The following LTBP1 variants were observed in gnomAD, a reference collection of about 807,000 sequenced individuals.
The protein encoded by LTBP1 is latent-transforming growth factor beta-binding protein 1.
Under a neutral mutation model 207.6 loss-of-function variants are expected in LTBP1, and 129 were observed. The observed-to-expected ratio is 0.62, with a 90% CI of 0.54 to 0.72. LTBP1 has a LOEUF of 0.72. Ranked by LOEUF, LTBP1 falls within the 30% of genes least tolerant of loss-of-function variation. The probability of loss-of-function intolerance (pLI) is 0.00; values close to 1 mark genes in which losing one functional copy is unlikely to be tolerated. For synonymous variants in LTBP1, 963 were observed against 833.7 expected, an observed-to-expected ratio of 1.16 and a Z score of -2.67; for missense variants, 2,281 against 2,217.2, an observed-to-expected ratio of 1.03 and a Z score of -0.58.
At chr2:33,341,728 A>AT (rs199591274) in intron 24 of LTBP1, among the ~76,000 whole-genome samples, 1,872 of 125,942 alleles carry the variant, frequency 0.015, 11 homozygotes, top group South Asian at 0.041. Context: ...AAAAAAAAAA[A>AT]AATATATATA....
Position 33,110,707 on chromosome 2 carries a change from T to C in LTBP1, c.989T>C (p.Phe330Ser). 1.2e-6 allele frequency: 2 copies of C among 1,614,182 alleles called. No homozygotes were observed. Among genetic ancestry groups the C allele is most frequent in the Non-Finnish European group, 1.7e-6 (2 of 1,180,028 alleles). Residue 330 changes from phenylalanine to serine, a missense_variant, in exon 4 of 34, where the codon TTC becomes TCC. Transcript: ENST00000404816. ...ISGEQSTEGS[F>S]PLRYVQDQVA... ...GGAGAGCAGTCCACTGAAGGTTCTTTCCCTTTAAGATATGTGCAGGATCAA... is the reference window on the plus strand; with the variant it reads ...GGAGAGCAGTCCACTGAAGGTTCTTCCCCTTTAAGATATGTGCAGGATCAA...
chr2:33,042,415 AT>A (rs1231565448), intron 3 of LTBP1, among the ~76,000 whole-genome samples: 1 of 152,196 alleles, frequency 6.6e-6, no homozygotes, highest in Non-Finnish European at 1.5e-5. Context: ...CCTCAGTGTG[AT>A]TTTGAAACAG....
intron 7 of LTBP1, among the ~76,000 whole-genome samples, chr2:33,205,893 C>T (rs372589304): frequency 6.6e-6 from 1 of 152,244 alleles, no homozygotes; most frequent in African/African-American, 2.4e-5. Flanking sequence ...AAAGAAGAGT[C>T]CATGTGAGCA....
intron 26 of LTBP1, among the ~76,000 whole-genome samples, chr2:33,354,488 AT>A (rs1338758640): frequency 7.9e-5 from 12 of 152,222 alleles, no homozygotes; most frequent in African/African-American, 1.4e-4. Flanking sequence ...TAAAAAAAAA[AT>A]ATCTAGTCAA....
rs551308334 is a variant in LTBP1, at chr2:33,059,897, T to G, written c.863+38691T>G. 1.4e-4 allele frequency among the ~76,000 whole-genome samples: 21 copies of G among 152,246 alleles called. No homozygotes were observed. The South Asian group carries it at 3.9e-3, about 29-fold the overall frequency. Reference sequence around the variant, plus strand: ...AAATGCCTTCTAGACTTTAGATACATCTATGGCAAATAGGAAGACAAGCTA... The same window carrying G: ...AAATGCCTTCTAGACTTTAGATACAGCTATGGCAAATAGGAAGACAAGCTA... On this transcript the variant is annotated intron_variant, in intron 3 of 33. Transcript: ENST00000404816.
At chr2:33,083,001 TGCTGCCTGCCAAGC>T (rs1185720067) in intron 3 of LTBP1, among the ~76,000 whole-genome samples, 3 of 152,160 alleles carry the variant, frequency 2.0e-5, no homozygotes, top group Middle Eastern at 3.4e-3. Context: ...TTTGTGAGGC[TGCTGCCTGCCAAGC>T]TCCACCACAA....
intron 3 of LTBP1, among the ~76,000 whole-genome samples, 164 bp from the exon 4 acceptor site, chr2:33,110,415 CCTT>C (rs1558648979): frequency 6.6e-6 from 1 of 152,170 alleles, no homozygotes. Flanking sequence ...TCATTTACCT[CCTT>C]CTATGTCATG....
At chr2:33,011,723 A>G (rs894345191) in intron 2 of LTBP1, among the ~76,000 whole-genome samples, 2 of 151,952 alleles carry the variant, frequency 1.3e-5, no homozygotes, top group Non-Finnish European at 2.9e-5. Flanking sequence ...TTTGTTCCTG[A>G]TTTACAGGAT....
chr2:33,231,112 T>C (rs905903416), intron 9 of LTBP1, among the ~76,000 whole-genome samples: 8 of 152,200 alleles, frequency 5.3e-5, no homozygotes, highest in African/African-American at 1.9e-4. Flanking sequence ...TTCCTGCCCT[T>C]AGAATTTAGT....
intron 18 of LTBP1, among the ~76,000 whole-genome samples, chr2:33,278,571 A>G (rs1421679688): frequency 1.3e-5 from 2 of 152,200 alleles, no homozygotes; most frequent in Non-Finnish European, 1.5e-5. Context: ...TAAGGCAGGT[A>G]GTTCCTAATT....
intron 9 of LTBP1, among the ~76,000 whole-genome samples, chr2:33,236,031 A>G (rs1319267023): frequency 1.3e-5 from 2 of 152,226 alleles, no homozygotes; most frequent in Non-Finnish European, 2.9e-5. Context: ...CTGCACGTGT[A>G]TCCAAGAACT....
intron 7 of LTBP1, among the ~76,000 whole-genome samples, chr2:33,215,809 G>C (rs2090648639): frequency 6.7e-6 from 1 of 149,590 alleles, no homozygotes; most frequent in Non-Finnish European, 1.5e-5. Context: ...TCTGCCTCCT[G>C]GGTTCAAGCG....
At chr2:32,998,055 A>G (rs1407331829) in intron 2 of LTBP1, among the ~76,000 whole-genome samples, 2 of 152,200 alleles carry the variant, frequency 1.3e-5, no homozygotes, top group Non-Finnish European at 2.9e-5. Flanking sequence ...TATAAATTCT[A>G]GATTTGAGCA....
intron 24 of LTBP1, among the ~76,000 whole-genome samples, chr2:33,341,729 A>AAAAAAAAATAT (rs745445793): frequency 9.6e-5 from 9 of 93,618 alleles, no homozygotes; most frequent in African/African-American, 4.1e-4. Context: ...AAAAAAAAAA[A>AAAAAAAAATAT]ATATATATAT....
chr2:33,082,575 C>G (rs1338683140), intron 3 of LTBP1, among the ~76,000 whole-genome samples: 1 of 151,614 alleles, frequency 6.6e-6, no homozygotes. Flanking sequence ...CAGGTGTCCA[C>G]CAGCACGCCT....
At chr2:33,201,484 G>A (rs191940848) in intron 7 of LTBP1, among the ~76,000 whole-genome samples, 1 of 151,258 alleles carries the variant, frequency 6.6e-6, no homozygotes, top group African/African-American at 2.4e-5. Context: ...GTTGTGGGGT[G>A]GGGGGAGGCG....
At chr2:33,355,798 G>T (rs753343977) in intron 26 of LTBP1, among the ~76,000 whole-genome samples, 71 of 152,224 alleles carry the variant, frequency 4.7e-4, no homozygotes, top group Non-Finnish European at 8.2e-4. Flanking sequence ...TGATAGCCTT[G>T]TCTACCCATC....
chr2:32,973,564 C>T (rs1572891341), intron 2 of LTBP1, among the ~76,000 whole-genome samples: 1 of 152,140 alleles, frequency 6.6e-6, no homozygotes, highest in East Asian at 1.9e-4. Context: ...TCTTTCCCTA[C>T]AAGGACCCCC....
intron 2 of LTBP1, among the ~76,000 whole-genome samples, chr2:32,987,020 G>A (rs1157417123): frequency 6.6e-6 from 1 of 152,144 alleles, no homozygotes; most frequent in Non-Finnish European, 1.5e-5. Flanking sequence ...GGCAGGGCTA[G>A]CCCCATGTAG....
Sources: allele counts gnomAD v4.1 joint callset (sites outside exome capture counted in the v4.1 genomes callset), GRCh38; gene constraint gnomAD v4.1.1; transcripts MANE v1.5; gene names NCBI Gene and HGNC (gene_info 2026-07-23, HGNC 2026-07-21).